Variants in COG5 observed in about 807,000 individuals in gnomAD.
The protein encoded by COG5 is component of oligomeric golgi complex 5.
Under a neutral mutation model 110.4 loss-of-function variants are expected in COG5, and 86 were observed. The observed-to-expected ratio is 0.78, with a 90% CI of 0.65 to 0.93. The LOEUF (loss-of-function observed/expected upper bound fraction) is 0.93. COG5 is among the 40% of genes least tolerant of loss of function. The pLI, the probability that COG5 is intolerant of heterozygous loss-of-function variation, is 0.00. For missense variants in COG5, 1,077 were observed against 987.0 expected (o/e 1.09, Z -1.22); for synonymous variants, 360 against 334.6 (o/e 1.08, Z -0.83).
chr7:107,395,452 T>C (rs896652066), intron 7 of COG5, among the ~76,000 whole-genome samples: 1 of 150,494 alleles, frequency 6.6e-6, no homozygotes, highest in African/African-American at 2.4e-5. Context: ...TTTCACTGTA[T>C]AGACAATCCT....
At chr7:107,530,601 CAAAAAAA>C (rs953588412) in intron 5 of COG5, among the ~76,000 whole-genome samples, 1 of 47,768 alleles carries the variant, frequency 2.1e-5, no homozygotes, top group East Asian at 5.8e-4. Context: ...AACTCCATCT[CAAAAAAA>C]AAAAAAAAAA....
At chr7:107,221,939 AATATTT>A (rs1212927927) in intron 19 of COG5, among the ~76,000 whole-genome samples, 1 of 152,162 alleles carries the variant, frequency 6.6e-6, no homozygotes, top group African/African-American at 2.4e-5. Context: ...TTATGGTTCG[AATATTT>A]ACATTTTTCT....
At chr7:107,339,308 C>T (rs1810984644) in intron 10 of COG5, among the ~76,000 whole-genome samples, 1 of 152,038 alleles carries the variant, frequency 6.6e-6, no homozygotes, top group South Asian at 2.1e-4. Flanking sequence ...GTGCTCAATT[C>T]AACAAAAAGA....
intron 11 of COG5, among the ~76,000 whole-genome samples, chr7:107,320,523 G>C (rs1158427619): frequency 6.6e-6 from 1 of 152,168 alleles, no homozygotes; most frequent in Admixed American, 6.5e-5. Context: ...GCAACACTAA[G>C]AGATCTCAAG....
At chr7:107,231,484 T>TGCATATGC (rs1800770647) in intron 18 of COG5, among the ~76,000 whole-genome samples, 1 of 152,214 alleles carries the variant, frequency 6.6e-6, no homozygotes, top group South Asian at 2.1e-4. Context: ...TTCTACCAAG[T>TGCATATGC]GCATATGCGA....
intron 6 of COG5, among the ~76,000 whole-genome samples, chr7:107,486,444 T>C (rs1299777580): frequency 2.0e-5 from 3 of 151,866 alleles, no homozygotes; most frequent in African/African-American, 4.8e-5. Context: ...AATCCAGATA[T>C]TGCAGCAATG....
chr7:107,415,816 A>ACG (rs573344445), intron 6 of COG5, among the ~76,000 whole-genome samples: 82 of 102,682 alleles, frequency 8.0e-4, no homozygotes, highest in African/African-American at 2.4e-3. Flanking sequence ...ATATATACAC[A>ACG]CATACACGTA....
chr7:107,360,882 C>T (rs1043284033), intron 10 of COG5, among the ~76,000 whole-genome samples: 6 of 152,184 alleles, frequency 3.9e-5, no homozygotes, highest in South Asian at 2.1e-4. Context: ...GCCAAGAGGG[C>T]GGAACGAGCC....
At chr7:107,508,641 C>G (rs552056133) in intron 6 of COG5, among the ~76,000 whole-genome samples, 2 of 152,294 alleles carry the variant, frequency 1.3e-5, no homozygotes, top group South Asian at 2.1e-4. Context: ...AGTAGGGGCA[C>G]ACTGACACCT....
At chr7:107,482,673 C>CAGT (rs1338608506) in intron 6 of COG5, among the ~76,000 whole-genome samples, 1 of 151,674 alleles carries the variant, frequency 6.6e-6, no homozygotes, top group Non-Finnish European at 1.5e-5. Flanking sequence ...TACTATAATC[C>CAGT]AGTACTACAT....
At chr7:107,214,489 G>A (rs1799381565) in intron 19 of COG5, among the ~76,000 whole-genome samples, 1 of 146,872 alleles carries the variant, frequency 6.8e-6, no homozygotes, top group South Asian at 2.2e-4. Flanking sequence ...GATATAAAAG[G>A]CTGCTAATTT....
chr7:107,447,111 T>A (rs1168151097), intron 6 of COG5, among the ~76,000 whole-genome samples: 1 of 152,188 alleles, frequency 6.6e-6, no homozygotes, highest in Non-Finnish European at 1.5e-5. Context: ...ACTGACTTTC[T>A]GGTTTCCTTG....
intron 5 of COG5, among the ~76,000 whole-genome samples, chr7:107,537,289 C>G (rs1456381476): frequency 2.6e-5 from 4 of 152,154 alleles, no homozygotes; most frequent in Non-Finnish European, 5.9e-5. Flanking sequence ...TACACACACA[C>G]GTATGTTTAC....
At chr7:107,471,612 G>A (rs1279425667) in intron 6 of COG5, 1 of 151,904 alleles carries the variant, frequency 6.6e-6, no homozygotes, top group African/African-American at 2.4e-5. Flanking sequence ...AACTGTAAAA[G>A]CCTGAAAAGA....
Position 107,295,089 on chromosome 7 carries a change from ATATATATATATATTTT to A in COG5, c.1313+3037_1313+3052del, listed in dbSNP as rs1166757843. Among the ~76,000 whole-genome samples the A allele has an allele frequency of 2.1e-4, 15 of 72,904 alleles. No individual in the cohort carries two copies. In the South Asian group the frequency reaches 2.8e-3, roughly 13 times the overall value. 47.8% of individuals were successfully genotyped at this position (72,904 alleles called of 152,430 possible). On this transcript the variant is annotated intron_variant, in intron 12 of 21. Coordinates refer to ENST00000297135, the MANE Select transcript of COG5 (RefSeq NM_006348.5). ...CACATATATATATATATATATATAT[ATATATATATATATTTT>A]TTTTTTTTTTTTGTAGAGTCAGGAT...
intron 7 of COG5, among the ~76,000 whole-genome samples, chr7:107,408,125 T>C (rs2129064437): frequency 6.6e-6 from 1 of 152,328 alleles, no homozygotes; most frequent in South Asian, 2.1e-4. Flanking sequence ...CAACAAACTA[T>C]GCTCGTGGGA....
chr7:107,215,206 A>C (rs147764160), intron 19 of COG5, among the ~76,000 whole-genome samples: 2,121 of 152,304 alleles, frequency 0.014, 36 homozygotes, highest in Non-Finnish European at 0.022. Context: ...GAAAACAATC[A>C]GACCACAAAG....
In COG5 at chr7:107,298,230, C is replaced by T. The variant is rs760870083; in HGVS notation, c.1225G>A (p.Ala409Thr). 6.0e-5 allele frequency: 97 copies of T among 1,613,462 alleles called. No homozygotes were observed. The East Asian group carries it at 2.1e-3, about 36-fold the overall frequency. ...ACATAGAGGTCTGTAGTTCCACTTG[C>T]ATTAAAATTCCCTTGGATATGCTGA... is the stretch of plus-strand genomic sequence containing the variant. ...YSQHIQGNFNASGTTDLYVDL... is the reference protein window; with the variant it reads ...YSQHIQGNFNTSGTTDLYVDL... Residue 409 changes from alanine to threonine, a missense_variant, in exon 12 of 22, where the codon GCA (alanine) becomes ACA (threonine). By Grantham distance (58) the Ala-to-Thr change is moderately conservative. Coordinates refer to ENST00000297135, the MANE Select transcript of COG5 (RefSeq NM_006348.5).
chr7:107,249,300 A>G (rs2116557419), intron 16 of COG5, among the ~76,000 whole-genome samples: 1 of 152,186 alleles, frequency 6.6e-6, no homozygotes, highest in East Asian at 1.9e-4. Context: ...ACTAGCATCT[A>G]GTAGGTAGAG....
Sources: allele counts gnomAD v4.1 joint callset (sites outside exome capture counted in the v4.1 genomes callset), GRCh38; gene constraint gnomAD v4.1.1; transcripts MANE v1.5; gene names NCBI Gene and HGNC (gene_info 2026-07-23, HGNC 2026-07-21).